SUV39H2: variants seen among roughly 807,000 people sequenced by gnomAD.
The protein encoded by SUV39H2 is histone-lysine N-methyltransferase SUV39H2.
In SUV39H2, 10 loss-of-function variants were observed where a neutral mutation model predicts 47.5. The observed-to-expected ratio is 0.21, with a 90% CI of 0.13 to 0.36. SUV39H2 has a LOEUF of 0.36. Among genes scored for constraint, SUV39H2 ranks in the 10% least tolerant of loss-of-function variants. The probability of loss-of-function intolerance (pLI) is 1.00; values close to 1 mark genes in which losing one functional copy is unlikely to be tolerated. For missense variants in SUV39H2, 266 were observed against 487.4 expected, an observed-to-expected ratio of 0.55 and a Z score of 4.28; for synonymous variants, 159 against 166.8, an observed-to-expected ratio of 0.95 and a Z score of 0.36.
chr10:14,900,726 G>C (rs548749499), intron 4 of SUV39H2, among the ~76,000 whole-genome samples: 1 of 152,122 alleles, frequency 6.6e-6, no homozygotes, highest in Non-Finnish European at 1.5e-5. Flanking sequence ...CTGTAGTGCA[G>C]ATTTGATTTT....
intron 3 of SUV39H2, 80 bp from the exon 4 acceptor site, chr10:14,899,459 T>G: frequency 2.1e-6 from 3 of 1,443,204 alleles, no homozygotes; most frequent in South Asian, 1.2e-5. Context: ...TTTGTAGGTA[T>G]TCGCATATTA....
intron 2 of SUV39H2, among the ~76,000 whole-genome samples, chr10:14,893,102 C>T (rs1408518708): frequency 6.8e-6 from 1 of 147,702 alleles, no homozygotes; most frequent in Non-Finnish European, 1.5e-5. Context: ...CCCTGGGGTT[C>T]ACGCCATTCT....
intron 5 of SUV39H2, among the ~76,000 whole-genome samples, chr10:14,901,661 T>G (rs1834027607): frequency 6.6e-6 from 1 of 151,936 alleles, no homozygotes; most frequent in Non-Finnish European, 1.5e-5. Flanking sequence ...TGAAACTCTG[T>G]CTCTACAAAA....
At chr10:14,902,371 CTCTT>C in intron 5 of SUV39H2, 31 bp from the exon 6 acceptor site, 2 of 1,419,276 alleles carry the variant, frequency 1.4e-6, no homozygotes, top group Non-Finnish European at 1.9e-6. Flanking sequence ...TGTCTTAACT[CTCTT>C]TCTCCTATAT....
intron 2 of SUV39H2, among the ~76,000 whole-genome samples, chr10:14,895,572 G>A (rs776063366): frequency 1.3e-5 from 2 of 152,196 alleles, no homozygotes; most frequent in South Asian, 4.1e-4. Context: ...ATACCATGGT[G>A]CCTTGTTGCC....
Position 14,903,456 on chromosome 10 carries a change from A to G in SUV39H2, c.*944A>G, listed in dbSNP as rs1834155915. On this transcript the variant is annotated 3_prime_UTR_variant, in exon 6 of 6. Coordinates refer to ENST00000354919, the MANE Select transcript of SUV39H2 (RefSeq NM_001193424.2). ...CAGCCTCTCAATTTCAGGCAGGTGT[A>G]ACAGTTCCTTTCCACCAGATTTAAT... The G allele has an allele frequency of 1.3e-5, 2 of 152,232 alleles. No individual in the cohort carries two copies. Among genetic ancestry groups the G allele is most frequent in the African/African-American group, 4.8e-5 (2 of 41,462 alleles). The allele number at this position is 152,232 out of a possible 1,614,324, so 9.4% of individuals were successfully genotyped here.
intron 1 of SUV39H2, chr10:14,880,013 AAC>A (rs1832996647): frequency 6.6e-6 from 1 of 151,864 alleles, no homozygotes; most frequent in Non-Finnish European, 1.5e-5. Flanking sequence ...AAAGCACACA[AAC>A]ACACCTTGAG....
rs147281294 is a variant in SUV39H2 at position 14,902,201 on chromosome 10, G to A, written c.1127-205G>A. ...CCATCCTTTCAAGACAATTCATTAT[G>A]ATTTGACGCTGAATATTAACATTTA... On this transcript the variant is annotated intron_variant, in intron 5 of 5. Coordinates refer to ENST00000354919, the MANE Select transcript of SUV39H2 (RefSeq NM_001193424.2). Among the ~76,000 whole-genome samples, 4 of 152,258 alleles carry A rather than the reference G, an allele frequency of 2.6e-5. No homozygotes were observed. In the East Asian group the frequency reaches 7.7e-4, roughly 29 times the overall value.
At position 14,897,370 on chromosome 10, in the gene SUV39H2, G is replaced by T; in HGVS notation, c.702G>T (p.Gln234His). 1.2e-6 allele frequency: 2 copies of T among 1,613,140 alleles called. No homozygotes were observed. The highest frequency in any genetic ancestry group is 1.7e-6 in the Non-Finnish European group (2 of 1,179,916). ...TCTATGAATGCAACTCAAGGTGTCA[G>T]TGTGGTCCTGATTGTCCCAATAGGA... is the stretch of plus-strand genomic sequence containing the variant. ...TPIYECNSRC[Q>H]CGPDCPNRIV... Residue 234 changes from glutamine to histidine, a missense_variant, in exon 3 of 6, where the codon CAG becomes CAT. Gln to His is a conservative substitution (Grantham distance 24). Transcript: ENST00000354919.
intron 2 of SUV39H2, among the ~76,000 whole-genome samples, chr10:14,895,167 A>G (rs531174287): frequency 1.4e-5 from 2 of 144,868 alleles, no homozygotes; most frequent in Non-Finnish European, 3.0e-5. Context: ...TTTATCTTTT[A>G]TTTTTTACTT....
chr10:14,878,938 C>CGAGG lies in SUV39H2; in HGVS notation c.31+19_31+20insGAGG. 1 of 1,457,712 alleles carries CGAGG rather than the reference C, an allele frequency of 6.9e-7. No homozygotes were observed. Among genetic ancestry groups the CGAGG allele is most frequent in the Non-Finnish European group, 9.1e-7 (1 of 1,101,908 alleles). The allele number at this position is 1,457,712 out of a possible 1,614,324, so 90.3% of individuals were successfully genotyped here. On this transcript the variant is annotated intron_variant, in intron 1 of 5. Coordinates refer to ENST00000354919, the MANE Select transcript of SUV39H2 (RefSeq NM_001193424.2). Reference sequence around the variant, plus strand: ...CGAGGAGGTGAGGCTGGAGCGCGGCCCCCTCGCCTTCCCTGTTCCCAGGCA... The same window carrying CGAGG: ...CGAGGAGGTGAGGCTGGAGCGCGGCCGAGGCCCTCGCCTTCCCTGTTCCCAGGCA...
At chr10:14,888,790 A>T (rs1478428816) in intron 2 of SUV39H2, among the ~76,000 whole-genome samples, 3 of 151,830 alleles carry the variant, frequency 2.0e-5, no homozygotes, top group African/African-American at 7.3e-5. Flanking sequence ...CACCTCTGAG[A>T]AGAGCCAAAG....
chr10:14,899,664 G>A lies in SUV39H2; in HGVS notation c.975G>A (p.Val325=), dbSNP rs1304786537. Residue 325 remains valine, a synonymous_variant, in exon 4 of 6, where the codon GTG becomes GTA. Coordinates refer to ENST00000354919, the MANE Select transcript of SUV39H2 (RefSeq NM_001193424.2). ...TGGATGCGGCTCGATACGGCAATGT[G>A]TCTCATTTTGTGAATCACAGCGTAA... is the stretch of plus-strand genomic sequence containing the variant. The part of the protein sequence containing the change: ...FTVDAARYGN[V]SHFVNHSCDP... 1 of 1,613,698 alleles carries A rather than the reference G, an allele frequency of 6.2e-7. No individual in the cohort carries two copies. The highest frequency in any genetic ancestry group is 1.7e-5 in the Admixed American group (1 of 59,932).
chr10:14,896,896 T>A lies in SUV39H2; in HGVS notation c.228T>A (p.Asn76Lys), dbSNP rs1833642860. The A allele has an allele frequency of 6.2e-7, 1 of 1,608,720 alleles. No homozygotes were observed. The highest frequency in any genetic ancestry group is 8.5e-7 in the Non-Finnish European group (1 of 1,176,618). The part of the protein sequence containing the change: ...VKWKGWPDST[N>K]TWEPLQNLKC... Reference sequence around the variant, plus strand: ...GGAAAGGATGGCCAGATTCTACAAATACTTGGGAACCTTTGCAAAATCTGA... The same window carrying A: ...GGAAAGGATGGCCAGATTCTACAAAAACTTGGGAACCTTTGCAAAATCTGA... Residue 76 changes from asparagine (N) to lysine (K), a missense_variant, in exon 3 of 6, where the codon AAT becomes AAA. Coordinates refer to ENST00000354919, the MANE Select transcript of SUV39H2 (RefSeq NM_001193424.2).
chr10:14,879,197 C>G (rs1427400272), intron 1 of SUV39H2: 1 of 1,076,188 alleles, frequency 9.3e-7, no homozygotes, highest in East Asian at 3.8e-5. Flanking sequence ...GGCCCGGCCC[C>G]CTCCGCGTCT....
In SUV39H2 at chr10:14,902,388, C is replaced by T. The variant is rs753560054; in HGVS notation, c.1127-18C>T. 7.0e-5 allele frequency: 107 copies of T among 1,529,862 alleles called. No homozygotes were observed. The South Asian group carries it at 1.2e-3, about 18-fold the overall frequency. 94.8% of individuals were successfully genotyped at this position (1,529,862 alleles called of 1,614,324 possible). A position where few individuals can be genotyped will look rare whatever the true frequency, so the allele number is the denominator to read the frequency against. On this transcript the variant is annotated intron_variant, in intron 5 of 5. Coordinates refer to ENST00000354919, the MANE Select transcript of SUV39H2 (RefSeq NM_001193424.2). Reference sequence around the variant, plus strand: ...TCTTAACTCTCTTTCTCCTATATTTCTTTTTCTGTGTCTTCAGGTTCTGGA... The same window carrying T: ...TCTTAACTCTCTTTCTCCTATATTTTTTTTTCTGTGTCTTCAGGTTCTGGA...
intron 2 of SUV39H2, among the ~76,000 whole-genome samples, chr10:14,888,634 C>CAA (rs368463041): frequency 2.3e-5 from 3 of 129,776 alleles, no homozygotes; most frequent in African/African-American, 8.7e-5. Context: ...GACTCGGTCT[C>CAA]AAAAAAAAAA....
chr10:14,892,121 C>G lies in SUV39H2; in HGVS notation c.178-4725C>G, dbSNP rs532397610. 2.6e-5 allele frequency among the ~76,000 whole-genome samples: 4 copies of G among 152,290 alleles called. No individual in the cohort carries two copies. The South Asian group carries it at 6.2e-4, about 24-fold the overall frequency. ...GGAAGCAGTCTCAGCAAGGAAAATA[C>G]AGAGGAGCAAGAAGGAAGTCTGAGA... is the stretch of plus-strand genomic sequence containing the variant. On this transcript the variant is annotated intron_variant, in intron 2 of 5. Transcript: ENST00000354919.
intron 3 of SUV39H2, chr10:14,897,988 T>A (rs1833706867): frequency 6.6e-6 from 1 of 152,034 alleles, no homozygotes; most frequent in Non-Finnish European, 1.5e-5. Context: ...CACAAGCATT[T>A]ATTGCATCCA....
Sources: allele counts gnomAD v4.1 joint callset (sites outside exome capture counted in the v4.1 genomes callset), GRCh38; gene constraint gnomAD v4.1.1; transcripts MANE v1.5; gene names NCBI Gene and HGNC (gene_info 2026-07-23, HGNC 2026-07-21).